Variants in CUX1 observed in about 807,000 individuals in gnomAD.
The protein encoded by CUX1 is cut like homeobox 1, also known as protein CASP.
CUX1 carries 31 observed loss-of-function variants against 158.8 expected under a neutral mutation model. The observed-to-expected ratio is 0.20, with a 90% CI of 0.15 to 0.26. The LOEUF (loss-of-function observed/expected upper bound fraction) is 0.26, where lower values mean the gene tolerates loss of function less well. CUX1 is among the 10% of genes least tolerant of loss of function. CUX1 has a pLI of 1.00. For synonymous variants in CUX1, 879 were observed against 862.1 expected, an observed-to-expected ratio of 1.02 and a Z score of -0.34; for missense variants, 1,589 against 2,014.6, an observed-to-expected ratio of 0.79 and a Z score of 4.04.
intron 21 of CUX1, among the ~76,000 whole-genome samples, chr7:102,282,438 C>A (rs1465200625): frequency 6.6e-6 from 1 of 152,164 alleles, no homozygotes; most frequent in South Asian, 2.1e-4. Flanking sequence ...ATGGCCCCTA[C>A]AGAGCTAACC....
At position 102,144,917 on chromosome 7, in the gene CUX1, G is replaced by T. The variant is rs145884060; in HGVS notation, c.675-13643G>T. Among the ~76,000 whole-genome samples, 1,388 of 151,288 alleles carry T rather than the reference G, an allele frequency of 9.2e-3. 18 individuals are homozygous for T. The highest frequency in any genetic ancestry group is 0.032 in the African/African-American group (1,334 of 41,304). ...AGCCTGGCTAACATGGCAAAACCTC[G>T]TCTCTACTAAAAACACAAAAATTAG... is the stretch of plus-strand genomic sequence containing the variant. On this transcript the variant is annotated intron_variant, in intron 8 of 23. Coordinates refer to ENST00000292535, the MANE Select transcript of CUX1 (RefSeq NM_181552.4).
At chr7:102,047,522 GAGAT>G (rs1171042470) in intron 3 of CUX1, among the ~76,000 whole-genome samples, 2 of 144,670 alleles carry the variant, frequency 1.4e-5, no homozygotes, top group African/African-American at 5.1e-5. Context: ...GAGGGAGGGA[GAGAT>G]GGATGGATGG....
At chr7:102,050,459 T>A (rs1380540768) in intron 3 of CUX1, among the ~76,000 whole-genome samples, 3 of 152,176 alleles carry the variant, frequency 2.0e-5, no homozygotes, top group African/African-American at 4.8e-5. Flanking sequence ...CTGGGCCGTT[T>A]GGGGCTGGTG....
At chr7:102,045,674 C>G (rs1822685350) in intron 3 of CUX1, among the ~76,000 whole-genome samples, 1 of 152,276 alleles carries the variant, frequency 6.6e-6, no homozygotes, top group African/African-American at 2.4e-5. Flanking sequence ...GATTTCGGCC[C>G]AGAGCTCTGC....
intron 1 of CUX1, among the ~76,000 whole-genome samples, chr7:101,853,648 C>T (rs1796514756): frequency 6.7e-6 from 1 of 148,674 alleles, no homozygotes; most frequent in Admixed American, 6.6e-5. Flanking sequence ...TTTTGGTGGC[C>T]CCCACCGTAA....
intron 20 of CUX1, among the ~76,000 whole-genome samples, chr7:102,206,691 G>GT (rs1237665587): frequency 6.6e-6 from 1 of 152,316 alleles, no homozygotes; most frequent in African/African-American, 2.4e-5. Context: ...GAGGTCAGGA[G>GT]TTTAAGACCA....
At position 102,201,122 on chromosome 7, in the gene CUX1, C is replaced by T. The variant is rs1380540898; in HGVS notation, c.2063-238C>T. Among the ~76,000 whole-genome samples the T allele has an allele frequency of 1.3e-5, 2 of 151,578 alleles. No individual in the cohort carries two copies. Among genetic ancestry groups the T allele is most frequent in the Non-Finnish European group, 2.9e-5 (2 of 67,928 alleles). On this transcript the variant is annotated intron_variant, in intron 17 of 23. Transcript: ENST00000292535. The surrounding 1 kb of genome is among the most constrained non-coding windows in gnomAD (Gnocchi z 5.0). ...TTTCACTGACACCCCCTTTATTACC[C>T]TCTACATCTGTGTGTATACCAAAGG...
chr7:101,834,936 C>T (rs769501458), intron 1 of CUX1, among the ~76,000 whole-genome samples: 5 of 151,944 alleles, frequency 3.3e-5, no homozygotes, highest in South Asian at 2.1e-4. Context: ...GCAGAGGTTG[C>T]GGTGAGCCAA....
chr7:102,250,962 G>A lies in CUX1; in HGVS notation c.*1920G>A. On this transcript the variant is annotated 3_prime_UTR_variant, in exon 24 of 24. Coordinates refer to ENST00000292535, the MANE Select transcript of CUX1 (RefSeq NM_181552.4). Reference sequence around the variant, plus strand: ...TTTAAACTAACAATAGATGATTTCGGTATATATATATATTTTTTTTTGCTT... The same window carrying A: ...TTTAAACTAACAATAGATGATTTCGATATATATATATATTTTTTTTTGCTT... 1.0e-6 allele frequency: 1 copy of A among 957,988 alleles called. No homozygotes were observed. The highest frequency in any genetic ancestry group is 1.2e-6 in the Non-Finnish European group (1 of 805,622). The allele number at this position is 957,988 out of a possible 1,614,324, so 59.3% of individuals were successfully genotyped here.
intron 8 of CUX1, among the ~76,000 whole-genome samples, chr7:102,132,699 T>TTTGA (rs1833446089): frequency 6.7e-6 from 1 of 148,914 alleles, no homozygotes; most frequent in South Asian, 2.2e-4. Flanking sequence ...TTTTTTTTTT[T>TTTGA]GAGACAGGGT....
intron 7 of CUX1, 50 bp from the exon 8 acceptor site, chr7:102,115,157 G>C: frequency 6.7e-7 from 1 of 1,482,878 alleles, no homozygotes; most frequent in South Asian, 1.2e-5. Context: ...ACCTGTGTAT[G>C]CATTCTTTTA....
At chr7:102,182,954 G>A (rs533071123) in intron 11 of CUX1, among the ~76,000 whole-genome samples, 1 of 152,290 alleles carries the variant, frequency 6.6e-6, no homozygotes, top group South Asian at 2.1e-4. Context: ...TTCCCACTGG[G>A]TGGATGGTCA....
At chr7:101,850,407 TTC>T (rs796326654) in intron 1 of CUX1, among the ~76,000 whole-genome samples, 2 of 140,836 alleles carry the variant, frequency 1.4e-5, no homozygotes, top group South Asian at 2.1e-4. Context: ...GGTTTTCTTT[TTC>T]TTTCTTTCTT....
At chr7:101,919,493 C>G (rs1376661053) in intron 2 of CUX1, among the ~76,000 whole-genome samples, 2 of 152,176 alleles carry the variant, frequency 1.3e-5, no homozygotes, top group African/African-American at 4.8e-5. Flanking sequence ...AGGAGGGTAT[C>G]CTCTTCCCTA....
At chr7:102,147,417 G>C (rs1312008623) in intron 8 of CUX1, among the ~76,000 whole-genome samples, 7 of 152,084 alleles carry the variant, frequency 4.6e-5, no homozygotes, top group Admixed American at 4.6e-4. Context: ...TGGTGAGCTG[G>C]GCCACCTGGT....
At chr7:101,823,780 T>C (rs1354320309) in intron 1 of CUX1, among the ~76,000 whole-genome samples, 1 of 152,198 alleles carries the variant, frequency 6.6e-6, no homozygotes, top group Non-Finnish European at 1.5e-5. Context: ...ATTGACAAAT[T>C]AGCTCTTTCT....
At chr7:102,116,567 C>T (rs1290471955) in intron 8 of CUX1, among the ~76,000 whole-genome samples, 3 of 152,104 alleles carry the variant, frequency 2.0e-5, no homozygotes, top group Non-Finnish European at 2.9e-5. Context: ...ATCACGTGAA[C>T]CCAGGAGTTG....
chr7:102,209,224 G>A (rs1212868767), intron 20 of CUX1, among the ~76,000 whole-genome samples: 2 of 152,066 alleles, frequency 1.3e-5, no homozygotes, highest in East Asian at 1.9e-4. Flanking sequence ...TGACTTAGAC[G>A]CCAATTTGCC....
intron 10 of CUX1, among the ~76,000 whole-genome samples, chr7:102,174,544 G>A (rs372709601): frequency 2.7e-4 from 41 of 152,238 alleles, no homozygotes; most frequent in African/African-American, 9.1e-4. Context: ...CCCCTGGATC[G>A]CTCCCCAAGC....
Sources: allele counts gnomAD v4.1 joint callset (sites outside exome capture counted in the v4.1 genomes callset), GRCh38; gene constraint gnomAD v4.1.1; non-coding constraint Gnocchi (gnomAD v3.1); transcripts MANE v1.5; gene names NCBI Gene and HGNC (gene_info 2026-07-23, HGNC 2026-07-21).